The following TMEM220 variants were observed in gnomAD, a reference collection of about 807,000 sequenced individuals.
TMEM220 encodes transmembrane protein 220.
A neutral mutation model predicts 21.7 loss-of-function variants in TMEM220; 21 were observed. The observed-to-expected ratio is 0.97, with a 90% confidence interval of 0.69 to 1.39. The LOEUF is 1.39. Among genes scored for constraint, TMEM220 ranks in the 40% most tolerant of loss-of-function variants. The pLI, the probability that TMEM220 is intolerant of heterozygous loss-of-function variation, is 0.00. For synonymous variants in TMEM220, 80 were observed against 73.6 expected, an observed-to-expected ratio of 1.09 and a Z score of -0.45; for missense variants, 191 against 201.9, an observed-to-expected ratio of 0.95 and a Z score of 0.33.
chr17:10,729,752 G>C, intron 1 of TMEM220, 28 bp downstream of exon 1: 1 of 1,339,486 alleles, frequency 7.5e-7, no homozygotes, highest in Non-Finnish European at 9.6e-7. Flanking sequence ...GAGCCGGGCG[G>C]GTCCCCCTCC....
chr17:10,717,584 C>T (rs910016683), intron 5 of TMEM220, among the ~76,000 whole-genome samples: 1 of 152,092 alleles, frequency 6.6e-6, no homozygotes, highest in African/African-American at 2.4e-5. Context: ...TAGGAGTTTT[C>T]CATCTGTGGT....
In TMEM220 at chr17:10,715,567, A is replaced by T. The variant is rs2151469243; in HGVS notation, c.369T>A (p.Ile123=). The change falls in exon 6 of 6, where the codon ATT becomes ATA. Residue 123 remains isoleucine, a synonymous_variant. Transcript: ENST00000341871. ...SSSKNPVGGR[I]QLAIAIVITL... ...TGATTACAATGGCAATAGCCAATTG[A>T]ATTCTTCCACCAACTGGATTCCTAT... 6.3e-7 allele frequency: 1 copy of T among 1,593,100 alleles called. No individual in the cohort carries two copies. The highest frequency in any genetic ancestry group is 1.4e-5 in the African/African-American group (1 of 73,958).
intron 5 of TMEM220, among the ~76,000 whole-genome samples, chr17:10,716,765 A>G (rs1194424427): frequency 1.3e-5 from 2 of 152,208 alleles, no homozygotes; most frequent in Non-Finnish European, 2.9e-5. Flanking sequence ...AAAACCCTAC[A>G]TATGTATAGA....
intron 5 of TMEM220, among the ~76,000 whole-genome samples, chr17:10,716,964 T>C (rs955103931): frequency 2.0e-5 from 3 of 152,248 alleles, no homozygotes; most frequent in Non-Finnish European, 2.9e-5. Flanking sequence ...TTTTTATAAA[T>C]GTTAACTTTT....
chr17:10,715,097 T>G lies in TMEM220; in HGVS notation c.*356A>C. The G allele has an allele frequency of 5.4e-6, 1 of 186,002 alleles. No individual in the cohort carries two copies. The highest frequency in any genetic ancestry group is 1.2e-4 in the South Asian group (1 of 8,668). The allele number at this position is 186,002 out of a possible 1,614,324, so 11.5% of individuals were successfully genotyped here. ...TGATCCTTGTTACTGTGTAAGTAAG[T>G]AGATCTGGCATTAATCCTATTTTAT... On this transcript the variant is annotated 3_prime_UTR_variant, in exon 6 of 6. Coordinates refer to ENST00000341871, the MANE Select transcript of TMEM220 (RefSeq NM_001004313.3).
Position 10,723,281 on chromosome 17 carries a change from G to A in TMEM220, c.336C>T (p.His112=), listed in dbSNP as rs145542643. The A allele has an allele frequency of 1.2e-5, 20 of 1,614,054 alleles. No homozygotes were observed. The African/African-American group carries it at 2.7e-4, about 22-fold the overall frequency. The part of the protein sequence containing the change: ...VIITAWIILC[H]SSSKNPVGGR... The stretch of plus-strand genomic sequence containing the variant: ...AGTTGAATACTTACTTTGAGGAACT[G>A]TGGCACAGGATAATCCATGCTGTAA... Residue 112 remains histidine, a synonymous_variant, in exon 5 of 6, where the codon CAC becomes CAT. Transcript: ENST00000341871.
chr17:10,716,323 A>G, intron 5 of TMEM220: 2 of 651,062 alleles, frequency 3.1e-6, no homozygotes, highest in Non-Finnish European at 5.9e-6. Flanking sequence ...ACTGTCATCA[A>G]TTATACTCTT....
chr17:10,728,372 G>A lies in TMEM220; in HGVS notation c.102+659C>T, dbSNP rs867364306. Among the ~76,000 whole-genome samples, 12 of 144,160 alleles carry A rather than the reference G, an allele frequency of 8.3e-5. No individual in the cohort carries two copies. The South Asian group carries it at 2.4e-3, about 28-fold the overall frequency. The allele number at this position is 144,160 out of a possible 152,430, so 94.6% of individuals were successfully genotyped here. On this transcript the variant is annotated intron_variant, in intron 2 of 5. Transcript: ENST00000341871. ...CGCCCAGACTGGAGTGCAGTGGCAC[G>A]ATCTCAGCACACTGCAACTTCTGCC... is the stretch of plus-strand genomic sequence containing the variant.
rs376393040 is a variant in TMEM220, at chr17:10,724,998, C to T, written c.287+13G>A. The T allele has an allele frequency of 9.4e-5, 152 of 1,613,926 alleles. No individual in the cohort carries two copies. Among genetic ancestry groups the T allele is most frequent in the Non-Finnish European group, 1.2e-4 (139 of 1,179,964 alleles). On this transcript the variant is annotated intron_variant, in intron 4 of 5. Transcript: ENST00000341871. ...CAGTTCTATCCCTCCACAGGGTAAC[C>T]GTCACCGCTCACCTGCCTTCTTCCT...
At chr17:10,729,719 G>T in intron 1 of TMEM220, 61 bp downstream of exon 1, 1 of 1,287,348 alleles carries the variant, frequency 7.8e-7, no homozygotes. Context: ...TACACGGCCC[G>T]CTAGGCCAGG....
chr17:10,729,690 A>T, intron 1 of TMEM220, 90 bp downstream of exon 1: 1 of 1,155,918 alleles, frequency 8.7e-7, no homozygotes, highest in Non-Finnish European at 1.1e-6. Flanking sequence ...CGCCCCTGCG[A>T]CTCTGCCCGC....
intron 2 of TMEM220, among the ~76,000 whole-genome samples, chr17:10,728,826 G>A (rs1431551437): frequency 6.6e-6 from 1 of 152,154 alleles, no homozygotes; most frequent in African/African-American, 2.4e-5. Context: ...CCTGTTTCCA[G>A]AAAGTTCGAA....
intron 2 of TMEM220, among the ~76,000 whole-genome samples, chr17:10,727,605 G>C (rs946603535): frequency 6.6e-6 from 1 of 152,114 alleles, no homozygotes; most frequent in African/African-American, 2.4e-5. Context: ...TTCAAGATAC[G>C]GACCAGGGTG....
intron 3 of TMEM220, among the ~76,000 whole-genome samples, chr17:10,725,773 A>G (rs1415687127): frequency 1.3e-5 from 2 of 152,142 alleles, no homozygotes; most frequent in Non-Finnish European, 1.5e-5. Context: ...CATTTGAGTT[A>G]TTTTCTAGCT....
intron 2 of TMEM220, among the ~76,000 whole-genome samples, chr17:10,727,243 A>C (rs1285914218): frequency 1.3e-5 from 2 of 152,148 alleles, no homozygotes; most frequent in Non-Finnish European, 2.9e-5. Flanking sequence ...TCCTGGGCTC[A>C]AGTGAGCCTC....
downstream of TMEM220, among the ~76,000 whole-genome samples, chr17:10,712,449 T>TC (rs2074860653): frequency 6.6e-6 from 1 of 152,170 alleles, no homozygotes; most frequent in African/African-American, 2.4e-5. Flanking sequence ...GACATGTATC[T>TC]CTCTGAGGGC....
chr17:10,721,715 A>G (rs2905215), intron 5 of TMEM220, among the ~76,000 whole-genome samples: 77,246 of 151,000 alleles, frequency 0.51, 20,571 homozygotes, highest in African/African-American at 0.66. Context: ...AATTGTTGAA[A>G]CTGGGTGATG....
At chr17:10,728,242 C>T (rs1031962713) in intron 2 of TMEM220, among the ~76,000 whole-genome samples, 4 of 149,396 alleles carry the variant, frequency 2.7e-5, no homozygotes, top group Non-Finnish European at 4.4e-5. Context: ...CAGAGCCTTG[C>T]TTATATGAAG....
intron 2 of TMEM220, among the ~76,000 whole-genome samples, chr17:10,728,160 CA>C (rs2075069828): frequency 7.1e-6 from 1 of 141,818 alleles, no homozygotes; most frequent in African/African-American, 2.6e-5. Context: ...AACTCCGTCT[CA>C]AAAAGAAAAA....
Sources: gnomAD v4.1 joint callset for allele counts (sites outside exome capture counted in the v4.1 genomes callset) on GRCh38, gnomAD v4.1.1 for gene constraint, MANE v1.5 for transcripts, NCBI Gene and HGNC (gene_info 2026-07-23, HGNC 2026-07-21) for gene names.